Variants in SEL1L3 observed in about 807,000 individuals in gnomAD.
The protein encoded by SEL1L3 is protein sel-1 homolog 3.
SEL1L3 carries 76 observed loss-of-function variants against 142.8 expected under a neutral mutation model. That is an observed-to-expected ratio of 0.53 (90% CI 0.44 to 0.64). SEL1L3 has a LOEUF of 0.64. Ranked by LOEUF, SEL1L3 falls within the 30% of genes least tolerant of loss-of-function variation. The pLI is 0.00. For synonymous variants in SEL1L3, 504 were observed against 519.6 expected (o/e 0.97, Z 0.41); for missense variants, 1,262 against 1,381.7 (o/e 0.91, Z 1.37).
chr4:25,777,902 C>T (rs937535729), intron 16 of SEL1L3: 2 of 455,648 alleles, frequency 4.4e-6, no homozygotes, highest in African/African-American at 4.0e-5. Context: ...CTGTAAAGAG[C>T]AGGATAGTAA....
At chr4:25,779,943 G>A (rs1470700093) in intron 15 of SEL1L3, among the ~76,000 whole-genome samples, 2 of 152,182 alleles carry the variant, frequency 1.3e-5, no homozygotes, top group African/African-American at 2.4e-5. Context: ...TGTGCCTTCA[G>A]ATAGCACCTA....
intron 20 of SEL1L3, among the ~76,000 whole-genome samples, chr4:25,761,658 T>C (rs1718387034): frequency 1.3e-5 from 2 of 152,112 alleles, no homozygotes; most frequent in Non-Finnish European, 2.9e-5. Context: ...AGAATAAGAA[T>C]ACAGAATTTA....
the SEL1L3 span, among the ~76,000 whole-genome samples, chr4:25,733,494 T>C: frequency 6.6e-6 from 1 of 151,568 alleles, no homozygotes; most frequent in East Asian, 1.9e-4. Context: ...CATGTAGTTG[T>C]TATAGTATTT....
At chr4:25,719,337 CT>C in the SEL1L3 span, 1 of 151,956 alleles carries the variant, frequency 6.6e-6, no homozygotes, top group African/African-American at 2.4e-5. Context: ...GGTTGGTTGC[CT>C]TAGTGGGTGA....
intron 16 of SEL1L3, chr4:25,777,569 C>A: frequency 3.6e-6 from 1 of 280,720 alleles, no homozygotes; most frequent in East Asian, 9.7e-5. Context: ...AAAACATATA[C>A]CAAAATTGAC....
At position 25,748,456 on chromosome 4, in the gene SEL1L3, G is replaced by C. The variant is rs769479741; in HGVS notation, c.3368C>G (p.Thr1123Arg). The change falls in exon 24 of 24, where the codon ACA (threonine) becomes AGA (arginine). Residue 1123 changes from threonine (T) to arginine (R), a missense_variant. Transcript: ENST00000399878. ...ACGTGGCTCCGGGTTATTAGTTACT[G>C]TGGGCTGGTCTTGGTCAGAGGCATC... ...AADASDQDQP[T>R]VTNNPEPRG is the part of the protein sequence containing the mutation. 6.2e-7 allele frequency: 1 copy of C among 1,611,734 alleles called. No homozygotes were observed. The highest frequency in any genetic ancestry group is 2.2e-5 in the East Asian group (1 of 44,850).
intron 16 of SEL1L3, among the ~76,000 whole-genome samples, chr4:25,778,092 G>C (rs2109161825): frequency 6.6e-6 from 1 of 152,196 alleles, no homozygotes; most frequent in African/African-American, 2.4e-5. Context: ...TTTCAGATCT[G>C]CAAGACCTCA....
At chr4:25,834,280 C>T (rs988507190) in intron 3 of SEL1L3, among the ~76,000 whole-genome samples, 2 of 152,184 alleles carry the variant, frequency 1.3e-5, no homozygotes, top group African/African-American at 4.8e-5. Flanking sequence ...GATATGTGAT[C>T]CATCAATCAT....
intron 23 of SEL1L3, among the ~76,000 whole-genome samples, chr4:25,750,708 TCATAAGCACTA>T (rs1717539839): frequency 6.6e-6 from 1 of 152,200 alleles, no homozygotes; most frequent in South Asian, 2.1e-4. Context: ...ACTGCTTTCT[TCATAAGCACTA>T]CTTTGTGACA....
In SEL1L3 at chr4:25,784,389, C is replaced by A. The variant is rs575113921; in HGVS notation, c.2218-99G>T. On this transcript the variant is annotated intron_variant, in intron 13 of 23. Coordinates refer to ENST00000399878, the MANE Select transcript of SEL1L3 (RefSeq NM_015187.5). The stretch of plus-strand genomic sequence containing the variant: ...GGATATAAAATACTTAAAAATAAAA[C>A]CCTAACTTTCTTCATTTAAACCCAA... 4.6e-4 allele frequency: 433 copies of A among 937,298 alleles called. No individual in the cohort carries two copies. Among genetic ancestry groups the A allele is most frequent in the Non-Finnish European group, 6.8e-4 (402 of 587,480 alleles). 58.1% of individuals were successfully genotyped at this position (937,298 alleles called of 1,614,324 possible).
At chr4:25,858,874 G>A (rs1402154278) in intron 1 of SEL1L3, among the ~76,000 whole-genome samples, 1 of 152,170 alleles carries the variant, frequency 6.6e-6, no homozygotes, top group Non-Finnish European at 1.5e-5. Context: ...GTAAGACACC[G>A]CGCCCAGCCT....
intron 3 of SEL1L3, 61 bp from the exon 4 acceptor site, chr4:25,833,630 T>C: frequency 1.4e-6 from 2 of 1,431,354 alleles, no homozygotes; most frequent in Non-Finnish European, 1.9e-6. Context: ...CAGGTAATTA[T>C]GGTTAACAAT....
At chr4:25,726,545 A>C in the SEL1L3 span, among the ~76,000 whole-genome samples, 1,197 of 81,218 alleles carry the variant, frequency 0.015, 12 homozygotes, top group South Asian at 0.042. Context: ...AAAAAAAAAA[A>C]CCCAAAAAAA....
intron 23 of SEL1L3, among the ~76,000 whole-genome samples, chr4:25,754,389 C>T (rs1717815004): frequency 6.7e-6 from 1 of 150,238 alleles, no homozygotes; most frequent in Admixed American, 6.6e-5. Flanking sequence ...CACTCTGTTG[C>T]CCAGGCTGGA....
chr4:25,815,995 A>G (rs529887914), intron 9 of SEL1L3, among the ~76,000 whole-genome samples: 14 of 150,596 alleles, frequency 9.3e-5, no homozygotes, highest in African/African-American at 3.4e-4. Context: ...AGATTGAGAA[A>G]CCCTGCTTAT....
chr4:25,860,774 A>T (rs1003687495), intron 1 of SEL1L3: 2 of 152,226 alleles, frequency 1.3e-5, no homozygotes, highest in Non-Finnish European at 2.9e-5. Flanking sequence ...ATCTGCCAAG[A>T]CATTCATCCA....
At chr4:25,825,407 T>C (rs1424686832) in intron 6 of SEL1L3, among the ~76,000 whole-genome samples, 1 of 152,172 alleles carries the variant, frequency 6.6e-6, no homozygotes, top group African/African-American at 2.4e-5. Context: ...CCAGCCCCTT[T>C]TGAAAACCCG....
chr4:25,740,840 A>T, the SEL1L3 span, among the ~76,000 whole-genome samples: 1 of 152,010 alleles, frequency 6.6e-6, no homozygotes, highest in East Asian at 1.9e-4. Context: ...GCTGGAGTGC[A>T]ATGGTGCGAT....
Position 25,847,725 on chromosome 4 carries a change from A to G in SEL1L3, c.302T>C (p.Val101Ala). ...ACAAGGCTGAGAGCATAAATACTCA[A>G]CCGAGACTTCAGAAACGTTGCGAAC... ...GNVRNVSEVS[V>A]EYLCSQPCVV... The change falls in exon 2 of 24, where the codon GTT becomes GCT. Residue 101 changes from valine to alanine, a missense_variant. Transcript: ENST00000399878. The G allele has an allele frequency of 1.2e-6, 2 of 1,613,996 alleles. No individual in the cohort carries two copies. The highest frequency in any genetic ancestry group is 1.7e-6 in the Non-Finnish European group (2 of 1,179,872).
Sources: gnomAD v4.1 joint callset for allele counts (sites outside exome capture counted in the v4.1 genomes callset) on GRCh38, gnomAD v4.1.1 for gene constraint, MANE v1.5 for transcripts, NCBI Gene and HGNC (gene_info 2026-07-23, HGNC 2026-07-21) for gene names.